GNAO1: variants seen among roughly 807,000 people sequenced by gnomAD.
GNAO1 encodes G protein subunit alpha o1, also known as guanine nucleotide-binding protein G(o) subunit alpha.
For missense variants in GNAO1, 166 were observed against 478.7 expected (o/e 0.35, Z 6.10); for synonymous variants, 164 against 180.7 (o/e 0.91, Z 0.74).
intron 2 of GNAO1, among the ~76,000 whole-genome samples, chr16:56,219,112 G>T (rs2036461628): frequency 6.6e-6 from 1 of 152,168 alleles, no homozygotes; most frequent in African/African-American, 2.4e-5. Flanking sequence ...GAATATCATG[G>T]GGCATGACCA....
chr16:56,192,090 C>T lies in GNAO1; in HGVS notation c.-146C>T. 1 of 604,764 alleles carries T rather than the reference C, an allele frequency of 1.7e-6. No homozygotes were observed. The highest frequency in any genetic ancestry group is 2.0e-5 in the South Asian group (1 of 50,856). 37.5% of individuals were successfully genotyped at this position (604,764 alleles called of 1,614,324 possible). On this transcript the variant is annotated 5_prime_UTR_variant, in exon 1 of 9. Coordinates refer to ENST00000262493, the MANE Select transcript of GNAO1 (RefSeq NM_020988.3). ...GTCTTTTTGGAGGGTTCTGGTTTCCCGACATTTTTGTTTCCAGCCCAGGAG... is the reference window on the plus strand; with the variant it reads ...GTCTTTTTGGAGGGTTCTGGTTTCCTGACATTTTTGTTTCCAGCCCAGGAG...
At chr16:56,223,595 G>T (rs1478473) in intron 2 of GNAO1, among the ~76,000 whole-genome samples, 21,221 of 152,050 alleles carry the variant, frequency 0.14, 1,962 homozygotes, top group African/African-American at 0.26. Context: ...GCATTATTCT[G>T]CTCATCACAG....
chr16:56,237,830 T>A (rs1277163842), intron 2 of GNAO1, among the ~76,000 whole-genome samples: 1 of 152,184 alleles, frequency 6.6e-6, no homozygotes, highest in African/African-American at 2.4e-5. Context: ...GAATTCTTTT[T>A]TGTTTGTTTA....
At chr16:56,247,556 CTT>C (rs1469126205) in intron 2 of GNAO1, among the ~76,000 whole-genome samples, 1 of 131,386 alleles carries the variant, frequency 7.6e-6, no homozygotes, top group Non-Finnish European at 1.5e-5. Context: ...AGCCACATGT[CTT>C]TGAATTTGTA....
Position 56,336,936 on chromosome 16 carries a change from T to C in GNAO1, c.723+76T>C. On this transcript the variant is annotated intron_variant, in intron 6 of 8. Coordinates refer to ENST00000262493, the MANE Select transcript of GNAO1 (RefSeq NM_020988.3). ...CAGGATAGGCCAGCCCTCTGAGCACTGGGCCTCGGGTGCCCACAATGGCTC... is the reference window on the plus strand; with the variant it reads ...CAGGATAGGCCAGCCCTCTGAGCACCGGGCCTCGGGTGCCCACAATGGCTC... 9 of 1,432,124 alleles carry C rather than the reference T, an allele frequency of 6.3e-6. 1 individual carries two copies. In the South Asian group the frequency reaches 1.1e-4, roughly 18 times the overall value. 88.7% of individuals were successfully genotyped at this position (1,432,124 alleles called of 1,614,324 possible). A position where few individuals can be genotyped will look rare whatever the true frequency, so the allele number is the denominator to read the frequency against.
Position 56,343,079 on chromosome 16 carries a change from C to G in GNAO1, c.723+6219C>G, listed in dbSNP as rs111334272. Among the ~76,000 whole-genome samples the G allele has an allele frequency of 6.1e-3, 905 of 148,328 alleles. 8 individuals carry two copies. Among genetic ancestry groups the G allele is most frequent in the African/African-American group, 0.022 (868 of 40,084 alleles). Reference sequence around the variant, plus strand: ...CACCACTGCACTCCAGCCTGGGCGACAGAACAAGACTCCATCTCCAAAAAA... The same window carrying G: ...CACCACTGCACTCCAGCCTGGGCGAGAGAACAAGACTCCATCTCCAAAAAA... On this transcript the variant is annotated intron_variant, in intron 6 of 8. Coordinates refer to ENST00000262493, the MANE Select transcript of GNAO1 (RefSeq NM_020988.3).
chr16:56,339,814 C>T (rs1032789376), intron 6 of GNAO1: 3 of 152,478 alleles, frequency 2.0e-5, no homozygotes, highest in Non-Finnish European at 2.9e-5. Flanking sequence ...TTCTGAGAGA[C>T]CCTCCAAGCC....
At chr16:56,289,370 T>C (rs2037207780) in intron 3 of GNAO1, among the ~76,000 whole-genome samples, 2 of 152,132 alleles carry the variant, frequency 1.3e-5, no homozygotes, top group Non-Finnish European at 2.9e-5. Flanking sequence ...AGCCCAGGGC[T>C]GGGGACTGTA....
intron 6 of GNAO1, chr16:56,344,677 G>A (rs955941903): frequency 1.0e-6 from 1 of 985,652 alleles, no homozygotes; most frequent in African/African-American, 1.7e-5. Context: ...GTGCGGGGAA[G>A]GGAGGTGGAA....
chr16:56,277,156 A>G (rs1320395160), intron 3 of GNAO1: 1 of 152,262 alleles, frequency 6.6e-6, no homozygotes, highest in African/African-American at 2.4e-5. Flanking sequence ...TCCTCCAGGT[A>G]CTGGGGAATT....
At chr16:56,273,574 T>C (rs1267378428) in intron 2 of GNAO1, among the ~76,000 whole-genome samples, 1 of 152,228 alleles carries the variant, frequency 6.6e-6, no homozygotes, top group Non-Finnish European at 1.5e-5. Flanking sequence ...GAATTATTTG[T>C]GTGATGCTGA....
intron 2 of GNAO1, among the ~76,000 whole-genome samples, chr16:56,259,136 C>T (rs1416677117): frequency 1.3e-5 from 2 of 152,208 alleles, no homozygotes; most frequent in Non-Finnish European, 2.9e-5. Flanking sequence ...AGGAAGAAAG[C>T]CTTGTTTCAG....
intron 2 of GNAO1, among the ~76,000 whole-genome samples, chr16:56,199,231 C>T (rs2143295248): frequency 6.6e-6 from 1 of 152,338 alleles, no homozygotes; most frequent in East Asian, 1.9e-4. Context: ...AGAATAGCAA[C>T]CTCAGCCACA....
chr16:56,306,644 G>A (rs1376463106), intron 3 of GNAO1, among the ~76,000 whole-genome samples: 7 of 152,156 alleles, frequency 4.6e-5, no homozygotes, highest in Non-Finnish European at 1.0e-4. Flanking sequence ...GGCGGGAAAT[G>A]TCCTAGAGAA....
intron 3 of GNAO1, among the ~76,000 whole-genome samples, chr16:56,281,347 C>T (rs546556340): frequency 6.6e-6 from 1 of 152,242 alleles, no homozygotes; most frequent in Non-Finnish European, 1.5e-5. Flanking sequence ...CCTCTCCTGC[C>T]TCCCACATCT....
rs529456780 is a variant in GNAO1 at position 56,303,058 on chromosome 16, C to T, written c.304-25573C>T. 1.1e-4 allele frequency among the ~76,000 whole-genome samples: 17 copies of T among 152,324 alleles called. 1 individual carries two copies. In the South Asian group the frequency reaches 2.9e-3, roughly 26 times the overall value. On this transcript the variant is annotated intron_variant, in intron 3 of 8. Coordinates refer to ENST00000262493, the MANE Select transcript of GNAO1 (RefSeq NM_020988.3). ...TCTGAACCATCTCTGGTTCTCTCCC[C>T]GGCCTGAAACGGGACCTCCACGCGC...
intron 6 of GNAO1, chr16:56,347,447 C>A: frequency 2.0e-6 from 2 of 985,628 alleles, no homozygotes; most frequent in Non-Finnish European, 1.2e-6. Flanking sequence ...CCATCTCCCA[C>A]CCCTCAGCAA....
At chr16:56,323,262 TGAAAG>T (rs1261539616) in intron 3 of GNAO1, among the ~76,000 whole-genome samples, 2 of 152,150 alleles carry the variant, frequency 1.3e-5, no homozygotes, top group South Asian at 2.1e-4. Context: ...GGGCAGCTGT[TGAAAG>T]GAAGAGCTAT....
chr16:56,286,994 C>T (rs910462057), intron 3 of GNAO1, among the ~76,000 whole-genome samples: 3 of 152,160 alleles, frequency 2.0e-5, no homozygotes, highest in Non-Finnish European at 4.4e-5. Flanking sequence ...GGTGGAGGGC[C>T]GGCCAGGCTG....
Sources: allele counts gnomAD v4.1 joint callset (sites outside exome capture counted in the v4.1 genomes callset), GRCh38; gene constraint gnomAD v4.1.1; transcripts MANE v1.5; gene names NCBI Gene and HGNC (gene_info 2026-07-23, HGNC 2026-07-21).